PITPNM3: variants seen among roughly 807,000 people sequenced by gnomAD.
The protein encoded by PITPNM3 is PITPNM family member 3, also known as membrane-associated phosphatidylinositol transfer protein 3.
Under a neutral mutation model 102.0 loss-of-function variants are expected in PITPNM3, and 26 were observed. The ratio of observed to expected loss-of-function variants is 0.25; its 90% confidence interval spans 0.19 to 0.35. The LOEUF is 0.35. Ranked by LOEUF, PITPNM3 falls within the 10% of genes least tolerant of loss-of-function variation. PITPNM3 has a pLI of 1.00. For missense variants in PITPNM3, 1,083 were observed against 1,346.1 expected (o/e 0.80, Z 3.06); for synonymous variants, 578 against 558.6 (o/e 1.03, Z -0.49).
chr17:6,471,001 G>A (rs1430366052), intron 12 of PITPNM3, among the ~76,000 whole-genome samples, 160 bp downstream of exon 12: 1 of 152,150 alleles, frequency 6.6e-6, no homozygotes, highest in Non-Finnish European at 1.5e-5. Flanking sequence ...ATCAGCAGAC[G>A]CCCAGCTCTC....
At chr17:6,500,418 C>T (rs779259493) in intron 4 of PITPNM3, among the ~76,000 whole-genome samples, 9 of 152,158 alleles carry the variant, frequency 5.9e-5, no homozygotes, top group Non-Finnish European at 8.8e-5. Flanking sequence ...TACCATCGAT[C>T]GTCACCATCA....
intron 3 of PITPNM3, 38 bp downstream of exon 3, chr17:6,525,318 A>G (rs898484938): frequency 3.3e-6 from 5 of 1,530,790 alleles, no homozygotes; most frequent in Admixed American, 3.3e-5. Flanking sequence ...CAACACACCT[A>G]TGTGCACATC....
At chr17:6,524,970 C>T (rs1908743239) in intron 3 of PITPNM3, among the ~76,000 whole-genome samples, 1 of 152,188 alleles carries the variant, frequency 6.6e-6, no homozygotes, top group African/African-American at 2.4e-5. Flanking sequence ...TTCTCTCTCC[C>T]CTTAGACCTC....
intron 1 of PITPNM3, among the ~76,000 whole-genome samples, chr17:6,541,477 G>T (rs375099569): frequency 2.0e-5 from 3 of 152,106 alleles, no homozygotes; most frequent in Admixed American, 2.0e-4. Context: ...AATGATTGAA[G>T]GGGGACAGGA....
At chr17:6,523,262 A>G (rs981645691) in intron 3 of PITPNM3, among the ~76,000 whole-genome samples, 1 of 152,096 alleles carries the variant, frequency 6.6e-6, no homozygotes, top group Non-Finnish European at 1.5e-5. Flanking sequence ...TATCGAATGC[A>G]CTTTGCAAAT....
intron 2 of PITPNM3, among the ~76,000 whole-genome samples, chr17:6,526,752 T>C (rs1001008412): frequency 1.3e-5 from 2 of 152,316 alleles, no homozygotes; most frequent in African/African-American, 2.4e-5. Flanking sequence ...AAAGGTAAAA[T>C]TGTTATTATC....
rs1910290889 is a variant in PITPNM3, at chr17:6,551,350, A to G, written c.22+5035T>C. Among the ~76,000 whole-genome samples the G allele has an allele frequency of 2.0e-5, 3 of 151,302 alleles. No homozygotes were observed. In the South Asian group the frequency reaches 6.3e-4, roughly 32 times the overall value. On this transcript the variant is annotated intron_variant, in intron 1 of 19. Coordinates refer to ENST00000262483, the MANE Select transcript of PITPNM3 (RefSeq NM_031220.4). ...GCACTCCAGCTTCGGCGACAGAGCGAGACTCCATCTCAAAAAAAAAAAAGA... is the reference window on the plus strand; with the variant it reads ...GCACTCCAGCTTCGGCGACAGAGCGGGACTCCATCTCAAAAAAAAAAAAGA...
Position 6,457,032 on chromosome 17 carries a change from C to T in PITPNM3, c.2619+562G>A, listed in dbSNP as rs1914147392. On this transcript the variant is annotated intron_variant, in intron 19 of 19. Transcript: ENST00000262483. This position sits in a 1 kb window ranked among gnomAD's most constrained non-coding sequence, Gnocchi z 4.7. ...CTCATCCCACACCCTCTCAGAGTCC[C>T]CACACAGGCCATCTTGGCCGCACTG... Among the ~76,000 whole-genome samples the T allele has an allele frequency of 6.6e-6, 1 of 152,142 alleles. No homozygotes were observed. The highest frequency in any genetic ancestry group is 2.4e-5 in the African/African-American group (1 of 41,424).
chr17:6,541,317 A>G (rs186524508), intron 1 of PITPNM3, among the ~76,000 whole-genome samples: 2,654 of 66,562 alleles, frequency 0.04, 78 homozygotes, highest in African/African-American at 0.13. Flanking sequence ...GTGTGTGTGT[A>G]TGCACATCTG....
intron 14 of PITPNM3, among the ~76,000 whole-genome samples, chr17:6,467,070 A>AAAACAAAAAC (rs1904814054): frequency 3.7e-5 from 1 of 26,904 alleles, no homozygotes; most frequent in Non-Finnish European, 9.2e-5. Context: ...CTCAAAACAA[A>AAAACAAAAAC]AAAAAAAAAC....
intron 3 of PITPNM3, among the ~76,000 whole-genome samples, chr17:6,508,662 G>A (rs370271529): frequency 5.3e-5 from 8 of 152,306 alleles, no homozygotes; most frequent in Admixed American, 1.3e-4. Context: ...AGAGGCTTGG[G>A]GACTGGCTGG....
chr17:6,500,326 T>C (rs1054586892), intron 4 of PITPNM3, among the ~76,000 whole-genome samples: 24 of 152,240 alleles, frequency 1.6e-4, no homozygotes, highest in Admixed American at 1.6e-3. Context: ...CCATTATAAA[T>C]GCAAGCCATT....
chr17:6,482,987 C>T (rs928907348), intron 6 of PITPNM3, among the ~76,000 whole-genome samples: 1 of 151,736 alleles, frequency 6.6e-6, no homozygotes, highest in Non-Finnish European at 1.5e-5. Flanking sequence ...CTCTGTCTCC[C>T]AGGCTGGAGT....
intron 1 of PITPNM3, among the ~76,000 whole-genome samples, chr17:6,553,758 C>T (rs1167625157): frequency 1.3e-5 from 2 of 152,104 alleles, no homozygotes; most frequent in Non-Finnish European, 2.9e-5. Flanking sequence ...CGCCCCACCC[C>T]GCCAGAGTGA....
intron 9 of PITPNM3, 43 bp downstream of exon 9, chr17:6,476,986 C>T (rs1338508983): frequency 3.1e-6 from 5 of 1,607,564 alleles, no homozygotes; most frequent in Middle Eastern, 1.8e-4. Flanking sequence ...TCCCAGTTGG[C>T]TCTGAGCCAA....
chr17:6,459,127 T>C lies in PITPNM3; in HGVS notation c.2491-1405A>G, dbSNP rs1904334964. ...ACTCCTATAACTTGGATCCTCCAGC[T>C]CTGGCGACCCTGCCTACCTGCCTCA... On this transcript the variant is annotated intron_variant, in intron 18 of 19. Coordinates refer to ENST00000262483, the MANE Select transcript of PITPNM3 (RefSeq NM_031220.4). This position sits in a 1 kb window ranked among gnomAD's most constrained non-coding sequence, Gnocchi z 5.0. Among the ~76,000 whole-genome samples, 1 of 152,144 alleles carries C rather than the reference T, an allele frequency of 6.6e-6. No individual in the cohort carries two copies. The highest frequency in any genetic ancestry group is 2.4e-5 in the African/African-American group (1 of 41,422).
chr17:6,473,361 C>CG (rs1422078305), intron 10 of PITPNM3: 1 of 206,178 alleles, frequency 4.9e-6, no homozygotes, highest in African/African-American at 2.3e-5. Flanking sequence ...ACCTCATCGG[C>CG]GGGCCTCCCT....
At chr17:6,529,185 C>T (rs1374338481) in intron 2 of PITPNM3, among the ~76,000 whole-genome samples, 1 of 152,158 alleles carries the variant, frequency 6.6e-6, no homozygotes, top group Non-Finnish European at 1.5e-5. Context: ...CTGACCCTGA[C>T]CAAAACCTGG....
At chr17:6,514,144 T>TA (rs1297322426) in intron 3 of PITPNM3, among the ~76,000 whole-genome samples, 1 of 152,114 alleles carries the variant, frequency 6.6e-6, no homozygotes, top group Non-Finnish European at 1.5e-5. Flanking sequence ...ATATAAGAGT[T>TA]AAAACTATAA....
Sources: allele counts gnomAD v4.1 joint callset (sites outside exome capture counted in the v4.1 genomes callset), GRCh38; gene constraint gnomAD v4.1.1; non-coding constraint Gnocchi (gnomAD v3.1); transcripts MANE v1.5; gene names NCBI Gene and HGNC (gene_info 2026-07-23, HGNC 2026-07-21).